The following VWCE variants were observed in gnomAD, a reference collection of about 807,000 sequenced individuals.
VWCE encodes the protein von Willebrand factor C and EGF domain-containing protein.
A neutral mutation model predicts 102.9 loss-of-function variants in VWCE; 68 were observed. The observed-to-expected ratio is 0.66, with a 90% CI of 0.54 to 0.81. The LOEUF is 0.81. Among genes scored for constraint, VWCE ranks in the 30% least tolerant of loss-of-function variants. VWCE has a pLI of 0.00. For synonymous variants in VWCE, 497 were observed against 515.4 expected (o/e 0.96, Z 0.48); for missense variants, 1,137 against 1,263.6 (o/e 0.90, Z 1.52).
At chr11:61,283,278 G>T (rs938878007) in intron 5 of VWCE, among the ~76,000 whole-genome samples, 26 of 152,134 alleles carry the variant, frequency 1.7e-4, no homozygotes, top group Non-Finnish European at 3.2e-4. Context: ...TGCTCCCACA[G>T]GCCACAGACC....
chr11:61,281,095 G>C lies in VWCE; in HGVS notation c.928C>G (p.Pro310Ala). 2 of 1,610,140 alleles carry C rather than the reference G, an allele frequency of 1.2e-6. No homozygotes were observed. Among genetic ancestry groups the C allele is most frequent in the Non-Finnish European group, 1.7e-6 (2 of 1,177,906 alleles). Residue 310 changes from proline to alanine, a missense_variant, in exon 8 of 20, where the codon CCA (proline) becomes GCA (alanine). Physicochemically the swap from Pro to Ala is conservative, Grantham distance 27. Around this residue, in one of 5 missense-constraint regions of VWCE, gnomAD observed 575 missense variants for 625.9 expected, o/e 0.92. Transcript: ENST00000335613. The stretch of plus-strand genomic sequence containing the variant: ...AGGCGGGTGGTCCTGACTCCGGCTG[G>C]GGGCCCTGGAGCCCCAGAAGGAGGG... ...HSPPSGAPGP[P>A]AGVRTTRLPS... is the part of the protein sequence containing the mutation.
In VWCE at chr11:61,280,813, A is replaced by AC; in HGVS notation, c.1209dup (p.Cys404ValfsTer14). ...CCCACCTCGCACCAGCACTGGGAAC[A>AC]CCCAGGCTCTGTCCAGCGACTCCTT... On this transcript the variant is annotated frameshift_variant, in exon 8 of 20. Coordinates refer to ENST00000335613, the MANE Select transcript of VWCE (RefSeq NM_152718.2). LOFTEE classifies it high-confidence loss of function. 6.3e-7 allele frequency: 1 copy of AC among 1,580,890 alleles called. No homozygotes were observed. The highest frequency in any genetic ancestry group is 8.6e-7 in the Non-Finnish European group (1 of 1,163,946).
chr11:61,279,089 G>A (rs912528445), intron 9 of VWCE, among the ~76,000 whole-genome samples: 2 of 151,530 alleles, frequency 1.3e-5, no homozygotes, highest in Admixed American at 6.6e-5. Context: ...ATCCAGCTTC[G>A]TTAACCAGCG....
At chr11:61,275,656 G>A (rs1437603091) in intron 11 of VWCE, among the ~76,000 whole-genome samples, 1 of 152,142 alleles carries the variant, frequency 6.6e-6, no homozygotes, top group African/African-American at 2.4e-5. Context: ...TATAAAATGG[G>A]GCAATAAATA....
chr11:61,259,325 G>A lies in VWCE; in HGVS notation c.2231-13C>T, dbSNP rs1328852154. 5 of 1,553,924 alleles carry A rather than the reference G, an allele frequency of 3.2e-6. No homozygotes were observed. Among genetic ancestry groups the A allele is most frequent in the Non-Finnish European group, 4.3e-6 (5 of 1,150,834 alleles). ...GGAGACAGGGAATCTAGAGAGACGAGGGTGAAACGAGATGCACAATGGCTC... is the reference window on the plus strand; with the variant it reads ...GGAGACAGGGAATCTAGAGAGACGAAGGTGAAACGAGATGCACAATGGCTC... On this transcript the variant is annotated splice_polypyrimidine_tract_variant and intron_variant, in intron 19 of 19. Coordinates refer to ENST00000335613, the MANE Select transcript of VWCE (RefSeq NM_152718.2).
rs748290731 is a variant in VWCE, at chr11:61,258,790, G to T, written c.2753C>A (p.Pro918His). 6.7e-7 allele frequency: 1 copy of T among 1,498,144 alleles called. No homozygotes were observed. The highest frequency in any genetic ancestry group is 1.4e-5 in the African/African-American group (1 of 71,236). The allele number at this position is 1,498,144 out of a possible 1,614,324, so 92.8% of individuals were successfully genotyped here. A position where few individuals can be genotyped will look rare whatever the true frequency, so the allele number is the denominator to read the frequency against. ...AGAGGTGGTGGGAGAAAGCACGCGA[G>T]GCCCGAGGAGGGTGATGGGGGTCTT... is the stretch of plus-strand genomic sequence containing the variant. ...PSKTPITLLG[P>H]RVLSPTTSRL... Residue 918 changes from proline to histidine, a missense_variant, in exon 20 of 20, where the codon CCT (proline) becomes CAT (histidine). Coordinates refer to ENST00000335613, the MANE Select transcript of VWCE (RefSeq NM_152718.2).
intron 5 of VWCE, among the ~76,000 whole-genome samples, chr11:61,285,091 G>C (rs985590050): frequency 6.6e-6 from 1 of 152,052 alleles, no homozygotes; most frequent in Non-Finnish European, 1.5e-5. Context: ...GGACTTTGCA[G>C]CCTCCAGAAC....
chr11:61,290,774 C>A, intron 4 of VWCE, 25 bp downstream of exon 4: 1 of 1,585,080 alleles, frequency 6.3e-7, no homozygotes, highest in Non-Finnish European at 8.6e-7. Flanking sequence ...CCCTCCCCCT[C>A]CCCCACCACT....
rs545821226 is a variant in VWCE at position 61,260,263 on chromosome 11, T to A, written c.2231-951A>T. Among the ~76,000 whole-genome samples the A allele has an allele frequency of 3.3e-5, 5 of 152,140 alleles. No individual in the cohort carries two copies. In the East Asian group the frequency reaches 9.7e-4, roughly 29 times the overall value. On this transcript the variant is annotated intron_variant, in intron 19 of 19. Transcript: ENST00000335613. ...GAGCAGGACTCCGTTTCACCAAAAT[T>A]TAAAAAAAGGCTTTTTTTTGGGGTG...
In VWCE at chr11:61,290,921, T is replaced by A; in HGVS notation, c.302A>T (p.His101Leu). 4 of 1,613,464 alleles carry A rather than the reference T, an allele frequency of 2.5e-6. No individual in the cohort carries two copies. The highest frequency in any genetic ancestry group is 3.4e-6 in the Non-Finnish European group (4 of 1,179,822). ...GEQGATCPET[H>L]GPCGEYGCDL... ...ACAGCCGTACTCCCCACATGGTCCATGGGTTTCTAGAGCAGGCATCACACC... is the reference window on the plus strand; with the variant it reads ...ACAGCCGTACTCCCCACATGGTCCAAGGGTTTCTAGAGCAGGCATCACACC... Residue 101 changes from histidine (H) to leucine (L), a missense_variant, in exon 4 of 20, where the codon CAT becomes CTT. Physicochemically the swap from His to Leu is moderately conservative, Grantham distance 99. Around this residue, in one of 5 missense-constraint regions of VWCE, gnomAD observed 575 missense variants for 625.9 expected, o/e 0.92. Coordinates refer to ENST00000335613, the MANE Select transcript of VWCE (RefSeq NM_152718.2).
At position 61,258,810 on chromosome 11, in the gene VWCE, G is replaced by T. The variant is rs752238166; in HGVS notation, c.2733C>A (p.Thr911=). 35 of 1,506,474 alleles carry T rather than the reference G, an allele frequency of 2.3e-5. No individual in the cohort carries two copies. Among genetic ancestry groups the T allele is most frequent in the Non-Finnish European group, 3.1e-5 (35 of 1,129,334 alleles). The allele number at this position is 1,506,474 out of a possible 1,614,324, so 93.3% of individuals were successfully genotyped here. A position where few individuals can be genotyped will look rare whatever the true frequency, so the allele number is the denominator to read the frequency against. Residue 911 remains threonine (T), a synonymous_variant, in exon 20 of 20, where the codon ACC becomes ACA. Coordinates refer to ENST00000335613, the MANE Select transcript of VWCE (RefSeq NM_152718.2). The part of the protein sequence containing the change: ...LSMMDPSPSK[T]PITLLGPRVL... The stretch of plus-strand genomic sequence containing the variant: ...CGCGAGGCCCGAGGAGGGTGATGGG[G>T]GTCTTCGAGGGGCTGGGGTCCATCA...
chr11:61,276,510 A>G (rs1854913433), intron 11 of VWCE, 83 bp downstream of exon 11: 2 of 1,103,388 alleles, frequency 1.8e-6, no homozygotes, highest in African/African-American at 3.3e-5. Context: ...CTGAGGCTCA[A>G]CACCAGCCTG....
At chr11:61,267,093 A>G (rs1453216813) in intron 16 of VWCE, among the ~76,000 whole-genome samples, 3 of 152,132 alleles carry the variant, frequency 2.0e-5, no homozygotes, top group Non-Finnish European at 4.4e-5. Flanking sequence ...TCCCGTCTCT[A>G]CCAAAAATAC....
rs5792221 is a variant in VWCE, at chr11:61,269,917, A to ATTT, written c.1786-902_1786-900dup. Among the ~76,000 whole-genome samples, 3 of 128,518 alleles carry ATTT rather than the reference A, an allele frequency of 2.3e-5. No individual in the cohort carries two copies. The Admixed American group carries it at 2.4e-4, about 10-fold the overall frequency. The allele number at this position is 128,518 out of a possible 152,430, so 84.3% of individuals were successfully genotyped here. On this transcript the variant is annotated intron_variant, in intron 14 of 19. Coordinates refer to ENST00000335613, the MANE Select transcript of VWCE (RefSeq NM_152718.2). The stretch of plus-strand genomic sequence containing the variant: ...CAATGAGACGTGTTCAGCTTACAGC[A>ATTT]TTTTTTTTTTTTTTTTTTGAGACGG...
At chr11:61,293,746 G>A (rs1032922822) in intron 1 of VWCE, among the ~76,000 whole-genome samples, 4 of 152,180 alleles carry the variant, frequency 2.6e-5, no homozygotes, top group African/African-American at 7.2e-5. Context: ...CAAACTTAGC[G>A]TGTTCTTGGG....
chr11:61,281,698 G>A (rs1855141429), intron 7 of VWCE, 88 bp downstream of exon 7: 1 of 1,463,956 alleles, frequency 6.8e-7, no homozygotes, highest in Non-Finnish European at 9.1e-7. Context: ...GGGCGTGACG[G>A]GGAGGGGCCA....
intron 5 of VWCE, 187 bp downstream of exon 5, chr11:61,286,127 C>T (rs1855312522): frequency 1.5e-6 from 1 of 667,704 alleles, no homozygotes; most frequent in Non-Finnish European, 2.6e-6. Flanking sequence ...ACGACTTGGC[C>T]TTGGGCAAGC....
At position 61,273,200 on chromosome 11, in the gene VWCE, T is replaced by C; in HGVS notation, c.1698A>G (p.Thr566=). ...CGGGGCAGCCCTGGACCAGCTCACCTGTCGAGGGTGTGGGCTCCTGGCAGG... is the reference window on the plus strand; with the variant it reads ...CGGGGCAGCCCTGGACCAGCTCACCCGTCGAGGGTGTGGGCTCCTGGCAGG... ...CFTCQEPTPS[T]GCSLDDNGVE... The change falls in exon 13 of 20, where the codon ACA becomes ACG. Residue 566 remains threonine, a splice_region_variant and synonymous_variant. Transcript: ENST00000335613. 1 of 1,613,870 alleles carries C rather than the reference T, an allele frequency of 6.2e-7. No homozygotes were observed. Among genetic ancestry groups the C allele is most frequent in the Non-Finnish European group, 8.5e-7 (1 of 1,179,924 alleles).
chr11:61,265,305 T>A, intron 16 of VWCE, 93 bp from the exon 17 acceptor site: 1 of 1,146,920 alleles, frequency 8.7e-7, no homozygotes, highest in East Asian at 2.7e-5. Flanking sequence ...TGAGTGTCCA[T>A]CAGAACAATC....
Sources: allele counts gnomAD v4.1 joint callset (sites outside exome capture counted in the v4.1 genomes callset), GRCh38; gene constraint gnomAD v4.1.1; regional missense constraint gnomAD v4.1.1; transcripts MANE v1.5; gene names NCBI Gene and HGNC (gene_info 2026-07-23, HGNC 2026-07-21).